Variants in LIMCH1 observed in about 807,000 individuals in gnomAD.
LIMCH1 encodes the protein LIM and calponin homology domains 1, also known as LIM and calponin homology domains-containing protein 1.
LIMCH1 carries 113 observed loss-of-function variants against 176.5 expected under a neutral mutation model. The observed-to-expected ratio is 0.64, with a 90% confidence interval of 0.55 to 0.75. LIMCH1 has a LOEUF of 0.75. Ranked by LOEUF, LIMCH1 falls within the 30% of genes least tolerant of loss-of-function variation. The pLI, the probability that LIMCH1 is intolerant of heterozygous loss-of-function variation, is 0.00. For missense variants in LIMCH1, 1,674 were observed against 1,814.9 expected, an observed-to-expected ratio of 0.92 and a Z score of 1.41; for synonymous variants, 619 against 645.9, an observed-to-expected ratio of 0.96 and a Z score of 0.63.
intron 1 of LIMCH1, among the ~76,000 whole-genome samples, chr4:41,415,760 G>A (rs939357688): frequency 2.6e-5 from 4 of 152,008 alleles, no homozygotes; most frequent in Admixed American, 1.3e-4. Flanking sequence ...GGCAGATCGC[G>A]AGGTCAGGAG....
chr4:41,466,090 C>T (rs2066075315), intron 1 of LIMCH1, among the ~76,000 whole-genome samples: 1 of 151,848 alleles, frequency 6.6e-6, no homozygotes, highest in Admixed American at 6.6e-5. Flanking sequence ...TCCTGAGTAG[C>T]TGGGACTACA....
chr4:41,368,556 G>A (rs910402842), intron 1 of LIMCH1, among the ~76,000 whole-genome samples: 2 of 152,148 alleles, frequency 1.3e-5, no homozygotes, highest in Non-Finnish European at 2.9e-5. Context: ...CTAAGACCAC[G>A]GAAGAATTCT....
At chr4:41,401,446 G>A (rs371265006) in intron 1 of LIMCH1, among the ~76,000 whole-genome samples, 16 of 151,504 alleles carry the variant, frequency 1.1e-4, no homozygotes, top group Admixed American at 5.9e-4. Context: ...CTTGTAGTAT[G>A]GTTTGAAGTC....
At chr4:41,670,908 T>C (rs1004294875) in intron 21 of LIMCH1, 1 of 1,461,028 alleles carries the variant, frequency 6.8e-7, no homozygotes, top group Admixed American at 2.4e-5. Context: ...TTATTTCTTA[T>C]GCACAGTTAG....
chr4:41,515,337 C>T (rs972414946), intron 2 of LIMCH1, among the ~76,000 whole-genome samples: 3 of 152,218 alleles, frequency 2.0e-5, no homozygotes, highest in Non-Finnish European at 2.9e-5. Flanking sequence ...CCAGAGACTA[C>T]GCCTATGGAG....
At chr4:41,448,625 A>T (rs897446017) in intron 1 of LIMCH1, among the ~76,000 whole-genome samples, 1 of 152,108 alleles carries the variant, frequency 6.6e-6, no homozygotes, top group African/African-American at 2.4e-5. Context: ...TATGCAAATC[A>T]TGCTTTTCAG....
chr4:41,678,096 C>A (rs1712461141), intron 23 of LIMCH1, among the ~76,000 whole-genome samples: 1 of 152,108 alleles, frequency 6.6e-6, no homozygotes, highest in Admixed American at 6.5e-5. Context: ...GCCCCCCAAC[C>A]CCTGACAGGC....
At chr4:41,416,785 T>C (rs1581801812) in intron 1 of LIMCH1, among the ~76,000 whole-genome samples, 1 of 152,178 alleles carries the variant, frequency 6.6e-6, no homozygotes, top group East Asian at 1.9e-4. Flanking sequence ...TGTGCTGTTC[T>C]ACTGTGAATG....
chr4:41,435,376 G>A (rs188519259), intron 1 of LIMCH1, among the ~76,000 whole-genome samples: 4 of 152,298 alleles, frequency 2.6e-5, no homozygotes, highest in Admixed American at 1.3e-4. Flanking sequence ...CCTGTTCCCC[G>A]TGCCGAAGCC....
At chr4:41,435,951 G>A (rs4861108) in intron 1 of LIMCH1, among the ~76,000 whole-genome samples, 34,268 of 152,052 alleles carry the variant, frequency 0.23, 4,832 homozygotes, top group African/African-American at 0.38. Flanking sequence ...GACTCAAATT[G>A]TCCCCTCCTT....
intron 1 of LIMCH1, among the ~76,000 whole-genome samples, chr4:41,570,287 C>T (rs2083362562): frequency 6.6e-6 from 1 of 152,222 alleles, no homozygotes; most frequent in African/African-American, 2.4e-5. Flanking sequence ...AGGCATTCTG[C>T]TTATAGCACT....
chr4:41,530,822 T>TAAAAAAAAAAAAAACA (rs1345989713), intron 3 of LIMCH1, among the ~76,000 whole-genome samples: 1 of 73,736 alleles, frequency 1.4e-5, no homozygotes, highest in African/African-American at 8.9e-5. Flanking sequence ...AAAAAAAATT[T>TAAAAAAAAAAAAAACA]TTTTTTTTTT....
intron 1 of LIMCH1, among the ~76,000 whole-genome samples, chr4:41,397,143 A>G (rs575279983): frequency 1.1e-4 from 16 of 152,300 alleles, no homozygotes; most frequent in African/African-American, 2.6e-4. Flanking sequence ...GGGAGCTTCT[A>G]TGAAGGATTT....
At chr4:41,465,557 G>A (rs2065986467) in intron 1 of LIMCH1, among the ~76,000 whole-genome samples, 1 of 152,170 alleles carries the variant, frequency 6.6e-6, no homozygotes, top group African/African-American at 2.4e-5. Context: ...TTGTAAAGAA[G>A]TTCGTATGCA....
intron 31 of LIMCH1, among the ~76,000 whole-genome samples, chr4:41,695,534 G>T (rs988153334): frequency 6.6e-6 from 1 of 151,652 alleles, no homozygotes; most frequent in East Asian, 1.9e-4. Flanking sequence ...TCTATTTCTG[G>T]ATATTTTATT....
intron 1 of LIMCH1, among the ~76,000 whole-genome samples, chr4:41,575,239 G>A (rs1255000681): frequency 1.3e-5 from 2 of 152,180 alleles, no homozygotes; most frequent in Non-Finnish European, 2.9e-5. Context: ...TAAAGGCATT[G>A]TGATTGAGAA....
chr4:41,392,724 C>T (rs2057373576), intron 1 of LIMCH1, among the ~76,000 whole-genome samples: 1 of 152,168 alleles, frequency 6.6e-6, no homozygotes, highest in South Asian at 2.1e-4. Context: ...GAAGGCTAAA[C>T]TCTCCACACT....
At chr4:41,650,716 C>T (rs530990406) in intron 18 of LIMCH1, 108 bp downstream of exon 18, 72 of 962,308 alleles carry the variant, frequency 7.5e-5, no homozygotes, top group Non-Finnish European at 9.8e-5. Context: ...TCTATGTTGG[C>T]GTATTAGTTT....
chr4:41,620,975 G>GAT (rs2092533133), intron 7 of LIMCH1, among the ~76,000 whole-genome samples: 1 of 152,220 alleles, frequency 6.6e-6, no homozygotes, highest in African/African-American at 2.4e-5. Context: ...TGGGCTGCAG[G>GAT]ATTTACCTAG....
Sources: allele counts gnomAD v4.1 joint callset (sites outside exome capture counted in the v4.1 genomes callset), GRCh38; gene constraint gnomAD v4.1.1; transcripts MANE v1.5; gene names NCBI Gene and HGNC (gene_info 2026-07-23, HGNC 2026-07-21).